The following CPNE8 variants were observed in gnomAD, a reference collection of about 807,000 sequenced individuals.
CPNE8 encodes the protein copine-8.
A neutral mutation model predicts 81.5 loss-of-function variants in CPNE8; 45 were observed. The ratio of observed to expected loss-of-function variants is 0.55; its 90% CI spans 0.44 to 0.71. The LOEUF (loss-of-function observed/expected upper bound fraction) is 0.71. CPNE8 is among the 30% of genes least tolerant of loss of function. CPNE8 has a pLI of 0.00. For missense variants in CPNE8, 594 were observed against 672.1 expected, an observed-to-expected ratio of 0.88 and a Z score of 1.28; for synonymous variants, 252 against 226.3, an observed-to-expected ratio of 1.11 and a Z score of -1.02.
intron 6 of CPNE8, among the ~76,000 whole-genome samples, chr12:38,802,622 T>C (rs1448310412): frequency 6.7e-6 from 1 of 149,704 alleles, no homozygotes; most frequent in East Asian, 2.0e-4. Context: ...AGCAAACACA[T>C]TCAAAAGCTG....
At chr12:38,728,756 T>TTGCACAAG (rs1291843805) in intron 11 of CPNE8, among the ~76,000 whole-genome samples, 1 of 152,172 alleles carries the variant, frequency 6.6e-6, no homozygotes, top group Non-Finnish European at 1.5e-5. Context: ...CCTGAATCCC[T>TTGCACAAG]TGCACAAGTG....
chr12:38,661,692 G>A (rs983666081), intron 19 of CPNE8, among the ~76,000 whole-genome samples: 52 of 151,934 alleles, frequency 3.4e-4, no homozygotes, highest in African/African-American at 1.2e-3. Context: ...ACCAGACAAG[G>A]ACACAACAAC....
At chr12:38,667,150 T>C (rs1045096830) in intron 19 of CPNE8, among the ~76,000 whole-genome samples, 1 of 152,144 alleles carries the variant, frequency 6.6e-6, no homozygotes, top group African/African-American at 2.4e-5. Context: ...GGAATTTCAA[T>C]TGTGTTGTGT....
At chr12:38,793,172 G>A (rs1016107028) in intron 6 of CPNE8, among the ~76,000 whole-genome samples, 1 of 142,504 alleles carries the variant, frequency 7.0e-6, no homozygotes, top group African/African-American at 3.1e-5. Context: ...AGGAAGGCAA[G>A]TATGCCCACT....
intron 6 of CPNE8, among the ~76,000 whole-genome samples, chr12:38,779,581 T>C (rs1367388469): frequency 1.3e-5 from 2 of 152,184 alleles, no homozygotes; most frequent in Admixed American, 1.3e-4. Flanking sequence ...CTTGAGTAGT[T>C]ACCAAAACTT....
intron 6 of CPNE8, among the ~76,000 whole-genome samples, chr12:38,816,534 T>C (rs1208819530): frequency 6.6e-6 from 1 of 152,168 alleles, no homozygotes; most frequent in African/African-American, 2.4e-5. Context: ...TTTGTTTTGT[T>C]GTTGTTTAGC....
intron 6 of CPNE8, among the ~76,000 whole-genome samples, chr12:38,823,799 G>T (rs543607800): frequency 2.0e-5 from 3 of 152,108 alleles, no homozygotes; most frequent in Non-Finnish European, 4.4e-5. Context: ...AGGCTTTGCC[G>T]AATCCATCAC....
At chr12:38,850,721 G>A (rs137875769) in intron 3 of CPNE8, among the ~76,000 whole-genome samples, 9 of 152,200 alleles carry the variant, frequency 5.9e-5, no homozygotes, top group African/African-American at 2.2e-4. Flanking sequence ...TTTAGAAGCC[G>A]TCTTTCCTGA....
At chr12:38,737,668 T>C (rs920214598) in intron 10 of CPNE8, among the ~76,000 whole-genome samples, 2 of 152,124 alleles carry the variant, frequency 1.3e-5, no homozygotes, top group Non-Finnish European at 2.9e-5. Context: ...CACTACCACA[T>C]GTCATTGAAA....
In CPNE8 at chr12:38,853,975, G is replaced by C. The variant is rs17464772; in HGVS notation, c.187-5313C>G. Among the ~76,000 whole-genome samples, 12 of 151,728 alleles carry C rather than the reference G, an allele frequency of 7.9e-5. No homozygotes were observed. In the South Asian group the frequency reaches 2.1e-3, roughly 26 times the overall value. On this transcript the variant is annotated intron_variant, in intron 3 of 19. Transcript: ENST00000331366. Reference sequence around the variant, plus strand: ...TCAAGTGAAAGTGATGAAGAAAAAAGGTCATCTGAACAACTGCACATCTTT... The same window carrying C: ...TCAAGTGAAAGTGATGAAGAAAAAACGTCATCTGAACAACTGCACATCTTT...
chr12:38,881,209 C>CAAA (rs11336431), intron 1 of CPNE8, among the ~76,000 whole-genome samples: 13 of 126,494 alleles, frequency 1.0e-4, no homozygotes, highest in African/African-American at 3.3e-4. Flanking sequence ...GATTCCGTCT[C>CAAA]AAAAAAAAAA....
At chr12:38,854,308 G>A (rs1023596678) in intron 3 of CPNE8, among the ~76,000 whole-genome samples, 3 of 145,172 alleles carry the variant, frequency 2.1e-5, no homozygotes, top group Non-Finnish European at 4.5e-5. Context: ...CTTATAAGAG[G>A]AAGACATATA....
chr12:38,902,393 GAGAAAGAAAGAAAGAAAGAAAGAAAA>G (rs1944500386), intron 1 of CPNE8, among the ~76,000 whole-genome samples: 575 of 54,650 alleles, frequency 0.011, 69 homozygotes, highest in African/African-American at 0.042. Context: ...AAGAAAGAAA[GAGAAAGAAAGAAAGAAAGAAAGAAAA>G]AGAAAGAAAG....
chr12:38,737,656 A>G (rs941742137), intron 10 of CPNE8, among the ~76,000 whole-genome samples: 1 of 152,122 alleles, frequency 6.6e-6, no homozygotes, highest in Admixed American at 6.6e-5. Context: ...TCTGTCAGCC[A>G]TCACTACCAC....
chr12:38,711,354 T>C (rs545796265), intron 13 of CPNE8, among the ~76,000 whole-genome samples: 7 of 152,296 alleles, frequency 4.6e-5, no homozygotes, highest in African/African-American at 4.8e-5. Context: ...AGAGTTTCCT[T>C]TGACTTTGAA....
chr12:38,723,170 T>G (rs980533324), intron 13 of CPNE8, among the ~76,000 whole-genome samples: 5 of 151,968 alleles, frequency 3.3e-5, no homozygotes, highest in African/African-American at 7.2e-5. Flanking sequence ...AAGGAAGAAA[T>G]AGGTTAAAAT....
chr12:38,882,676 C>G (rs1442223165), intron 1 of CPNE8, among the ~76,000 whole-genome samples: 4 of 152,084 alleles, frequency 2.6e-5, no homozygotes, highest in Non-Finnish European at 5.9e-5. Context: ...GCAAATGCCT[C>G]GCTTGCAAAA....
At chr12:38,879,052 A>G (rs1202959184) in intron 1 of CPNE8, among the ~76,000 whole-genome samples, 2 of 152,240 alleles carry the variant, frequency 1.3e-5, no homozygotes, top group Non-Finnish European at 2.9e-5. Flanking sequence ...AATAATCGAT[A>G]ATCATATATA....
intron 10 of CPNE8, among the ~76,000 whole-genome samples, chr12:38,747,763 T>G (rs576707742): frequency 2.7e-3 from 405 of 152,136 alleles, no homozygotes; most frequent in Middle Eastern, 0.02. Flanking sequence ...GAAAAATATC[T>G]CAATAATTTA....
Sources: gnomAD v4.1 joint callset for allele counts (sites outside exome capture counted in the v4.1 genomes callset) on GRCh38, gnomAD v4.1.1 for gene constraint, MANE v1.5 for transcripts, NCBI Gene and HGNC (gene_info 2026-07-23, HGNC 2026-07-21) for gene names.